The following GRID2 variants were observed in gnomAD, a reference collection of about 807,000 sequenced individuals.
The protein encoded by GRID2 is glutamate ionotropic receptor delta type subunit 2.
A neutral mutation model predicts 114.8 loss-of-function variants in GRID2; 33 were observed. That is an observed-to-expected ratio of 0.29 (90% CI 0.22 to 0.38). The LOEUF (loss-of-function observed/expected upper bound fraction) is 0.38, where lower values mean the gene tolerates loss of function less well. GRID2 is among the 10% of genes least tolerant of loss of function. GRID2 has a pLI of 1.00. For synonymous variants in GRID2, 505 were observed against 449.9 expected (o/e 1.12, Z -1.55); for missense variants, 1,184 against 1,257.7 (o/e 0.94, Z 0.89).
At chr4:92,588,891 T>G (rs1296011631) in intron 1 of GRID2, among the ~76,000 whole-genome samples, 1 of 151,730 alleles carries the variant, frequency 6.6e-6, no homozygotes, top group Non-Finnish European at 1.5e-5. Flanking sequence ...TCACGTGAGG[T>G]CAGGGGCTCG....
At chr4:92,691,915 T>C (rs1734201964) in intron 2 of GRID2, among the ~76,000 whole-genome samples, 1 of 152,204 alleles carries the variant, frequency 6.6e-6, no homozygotes, top group Admixed American at 6.5e-5. Context: ...ACATTTATTA[T>C]ATAGAATTTT....
chr4:93,053,107 T>C (rs1488352107), intron 2 of GRID2, among the ~76,000 whole-genome samples: 1 of 151,916 alleles, frequency 6.6e-6, no homozygotes, highest in East Asian at 1.9e-4. Flanking sequence ...CTACTATTAC[T>C]GAAGCAAGTT....
intron 13 of GRID2, among the ~76,000 whole-genome samples, chr4:93,520,382 T>C (rs1439378923): frequency 5.3e-5 from 8 of 151,364 alleles, no homozygotes; most frequent in Non-Finnish European, 1.0e-4. Context: ...CCATCCCACA[T>C]TGGGAGGTTG....
intron 13 of GRID2, among the ~76,000 whole-genome samples, chr4:93,586,198 T>C (rs1737524143): frequency 6.6e-6 from 1 of 152,110 alleles, no homozygotes; most frequent in South Asian, 2.1e-4. Flanking sequence ...CTGGCATTTC[T>C]GCAGATGTAC....
chr4:93,713,075 G>A (rs182943194), intron 14 of GRID2, among the ~76,000 whole-genome samples: 242 of 151,982 alleles, frequency 1.6e-3, no homozygotes, highest in African/African-American at 5.7e-3. Context: ...TTACCTTTTG[G>A]GTTCTTGAAA....
At chr4:93,615,638 CCAAAA>C (rs1156803897) in intron 13 of GRID2, among the ~76,000 whole-genome samples, 2 of 146,080 alleles carry the variant, frequency 1.4e-5, no homozygotes, top group African/African-American at 5.1e-5. Context: ...GGCCTTCACC[CCAAAA>C]AAAAAAAAAA....
chr4:93,178,380 A>ATTTT lies in GRID2; in HGVS notation c.736-28997_736-28994dup, dbSNP rs11428288. Among the ~76,000 whole-genome samples, 317 of 50,322 alleles carry ATTTT rather than the reference A, an allele frequency of 6.3e-3. 49 individuals carry two copies. The highest frequency in any genetic ancestry group is 0.022 in the African/African-American group (276 of 12,564). The allele number at this position is 50,322 out of a possible 152,430, so 33.0% of individuals were successfully genotyped here. On this transcript the variant is annotated intron_variant, in intron 4 of 15. Coordinates refer to ENST00000282020, the MANE Select transcript of GRID2 (RefSeq NM_001510.4). ...CTTATATTGTTTTCCTTGAAAATAGATTTTTTTTTTTTTTTTTTTTTTTTT... is the reference window on the plus strand; with the variant it reads ...CTTATATTGTTTTCCTTGAAAATAGATTTTTTTTTTTTTTTTTTTTTTTTTTTTT...
intron 14 of GRID2, among the ~76,000 whole-genome samples, chr4:93,703,075 T>C (rs1727649852): frequency 6.6e-6 from 1 of 152,158 alleles, no homozygotes; most frequent in Non-Finnish European, 1.5e-5. Flanking sequence ...GGTTAACTTG[T>C]GTTAGATAAA....
intron 2 of GRID2, among the ~76,000 whole-genome samples, chr4:92,786,307 A>C (rs983352499): frequency 1.3e-5 from 2 of 151,898 alleles, no homozygotes; most frequent in African/African-American, 4.8e-5. Flanking sequence ...GGGTTTGATA[A>C]CTTTAGTCAA....
At chr4:92,572,716 C>T (rs545349383) in intron 1 of GRID2, among the ~76,000 whole-genome samples, 3 of 152,160 alleles carry the variant, frequency 2.0e-5, no homozygotes, top group Admixed American at 6.6e-5. Flanking sequence ...CTGTTGGATT[C>T]GGTTTAGCAG....
At chr4:93,325,869 A>C (rs1270993325) in intron 8 of GRID2, among the ~76,000 whole-genome samples, 1 of 151,910 alleles carries the variant, frequency 6.6e-6, no homozygotes, top group Non-Finnish European at 1.5e-5. Context: ...AGAGATTTTT[A>C]ATTGTGAGTT....
chr4:93,111,385 C>T (rs1045971808), intron 4 of GRID2, among the ~76,000 whole-genome samples: 1 of 152,138 alleles, frequency 6.6e-6, no homozygotes, highest in African/African-American at 2.4e-5. Context: ...AAAACATATA[C>T]AGATTTATAT....
At chr4:92,312,541 G>C (rs1725760124) in intron 1 of GRID2, among the ~76,000 whole-genome samples, 1 of 152,080 alleles carries the variant, frequency 6.6e-6, no homozygotes, top group South Asian at 2.1e-4. Context: ...CAAATACATG[G>C]AGTAAATGTG....
intron 13 of GRID2, among the ~76,000 whole-genome samples, chr4:93,611,414 C>T (rs1254136511): frequency 0.031 from 2,359 of 77,240 alleles, no homozygotes; most frequent in South Asian, 0.051. Context: ...GTTAGGGTGT[C>T]AATTTTGGAT....
intron 1 of GRID2, among the ~76,000 whole-genome samples, chr4:92,571,837 A>G (rs1489729702): frequency 1.3e-5 from 2 of 152,212 alleles, no homozygotes; most frequent in Non-Finnish European, 2.9e-5. Context: ...GAAACCAATG[A>G]GAACAAAGAC....
intron 2 of GRID2, among the ~76,000 whole-genome samples, chr4:93,050,365 C>T (rs1726575933): frequency 6.6e-6 from 1 of 151,966 alleles, no homozygotes. Context: ...AAAAAATTTA[C>T]CTCAGTCTTT....
intron 4 of GRID2, among the ~76,000 whole-genome samples, chr4:93,198,715 C>T (rs1741760704): frequency 6.6e-6 from 1 of 152,014 alleles, no homozygotes; most frequent in South Asian, 2.1e-4. Context: ...ATGAGAAACA[C>T]TTTGTCAAAC....
chr4:92,569,346 C>A (rs913398362), intron 1 of GRID2, among the ~76,000 whole-genome samples: 1 of 150,096 alleles, frequency 6.7e-6, no homozygotes, highest in Non-Finnish European at 1.5e-5. Context: ...TGTATATTTA[C>A]CATATTTTCT....
chr4:92,716,897 TATC>T (rs2149314368), intron 2 of GRID2, among the ~76,000 whole-genome samples: 1 of 152,314 alleles, frequency 6.6e-6, no homozygotes, highest in East Asian at 1.9e-4. Context: ...TCTGACCTGA[TATC>T]AGCAAAGCAA....
Sources: allele counts gnomAD v4.1 joint callset (sites outside exome capture counted in the v4.1 genomes callset), GRCh38; gene constraint gnomAD v4.1.1; transcripts MANE v1.5; gene names NCBI Gene and HGNC (gene_info 2026-07-23, HGNC 2026-07-21).